The following AGAP1 variants were observed in gnomAD, a reference collection of about 807,000 sequenced individuals.
AGAP1 encodes the protein ArfGAP with GTPase domain, ankyrin repeat and PH domain 1, also known as arf-GAP with GTPase, ANK repeat and PH domain-containing protein 1.
Under a neutral mutation model 105.3 loss-of-function variants are expected in AGAP1, and 29 were observed. That is an observed-to-expected ratio of 0.28 (90% CI 0.21 to 0.38). The LOEUF (loss-of-function observed/expected upper bound fraction) is 0.38, where lower values mean the gene tolerates loss of function less well. AGAP1 is among the 10% of genes least tolerant of loss of function. AGAP1 has a pLI of 1.00. For missense variants in AGAP1, 998 were observed against 1,165.1 expected (o/e 0.86, Z 2.09); for synonymous variants, 509 against 485.9 (o/e 1.05, Z -0.63).
At position 235,599,940 on chromosome 2, in the gene AGAP1, C is replaced by G. The variant is rs950838925; in HGVS notation, c.163+105091C>G. 2.0e-5 allele frequency among the ~76,000 whole-genome samples: 3 copies of G among 152,166 alleles called. No homozygotes were observed. The highest frequency in any genetic ancestry group is 6.5e-5 in the Admixed American group (1 of 15,274). On this transcript the variant is annotated intron_variant, in intron 1 of 17. Coordinates refer to ENST00000304032, the MANE Select transcript of AGAP1 (RefSeq NM_001037131.3). The surrounding 1 kb of genome is among the most constrained non-coding windows in gnomAD (Gnocchi z 5.3). ...ACTGACTCAGGGAAGTGCCTGTGTTCAGGGCGGAGGTTCCACTGTGATTTG... is the reference window on the plus strand; with the variant it reads ...ACTGACTCAGGGAAGTGCCTGTGTTGAGGGCGGAGGTTCCACTGTGATTTG...
At chr2:235,636,058 A>G (rs1946988423) in intron 1 of AGAP1, among the ~76,000 whole-genome samples, 1 of 152,044 alleles carries the variant, frequency 6.6e-6, no homozygotes, top group Non-Finnish European at 1.5e-5. Flanking sequence ...GGTTGCAGTG[A>G]GCCGAGATCG....
At position 235,992,346 on chromosome 2, in the gene AGAP1, G is replaced by A. The variant is rs1486438707; in HGVS notation, c.1645+23723G>A. ...GTCAGTGCTCTCAGCTGTAAAATGG[G>A]AACGATCAGGTTGTCTACCTCCAAG... On this transcript the variant is annotated intron_variant, in intron 13 of 17. Transcript: ENST00000304032. The surrounding 1 kb of genome is among the most constrained non-coding windows in gnomAD (Gnocchi z 4.8). 6.6e-6 allele frequency among the ~76,000 whole-genome samples: 1 copy of A among 152,156 alleles called. No individual in the cohort carries two copies. Among genetic ancestry groups the A allele is most frequent in the East Asian group, 1.9e-4 (1 of 5,190 alleles).
In AGAP1 at chr2:236,042,857, A is replaced by G. The variant is rs1193986268; in HGVS notation, c.1891+2016A>G. Among the ~76,000 whole-genome samples the G allele has an allele frequency of 6.6e-6, 1 of 152,236 alleles. No homozygotes were observed. The highest frequency in any genetic ancestry group is 1.5e-5 in the Non-Finnish European group (1 of 68,040). The stretch of plus-strand genomic sequence containing the variant: ...AGGCGATACCAAGCACGCATTTGCT[A>G]AATGTGTGGTCTGTGTCAGCCCGGT... On this transcript the variant is annotated intron_variant, in intron 15 of 17. Transcript: ENST00000304032. This position sits in a 1 kb window ranked among gnomAD's most constrained non-coding sequence, Gnocchi z 5.6.
chr2:235,785,219 C>T (rs141843167), intron 6 of AGAP1, among the ~76,000 whole-genome samples: 307 of 152,276 alleles, frequency 2.0e-3, no homozygotes, highest in Admixed American at 3.3e-3. Context: ...TAGATACATC[C>T]ATTTTTCTTA....
intron 8 of AGAP1, among the ~76,000 whole-genome samples, chr2:235,800,281 T>A (rs1237887490): frequency 3.3e-5 from 5 of 150,994 alleles, no homozygotes; most frequent in Non-Finnish European, 5.9e-5. Context: ...TTTTTTTTTT[T>A]AAAGAAATGG....
At chr2:235,946,467 G>A (rs576587448) in intron 12 of AGAP1, among the ~76,000 whole-genome samples, 1 of 151,872 alleles carries the variant, frequency 6.6e-6, no homozygotes, top group African/African-American at 2.4e-5. Context: ...CACTGTGCCC[G>A]GCCAGGCCTT....
intron 16 of AGAP1, among the ~76,000 whole-genome samples, chr2:236,071,890 G>T (rs939819436): frequency 6.6e-6 from 1 of 152,108 alleles, no homozygotes; most frequent in African/African-American, 2.4e-5. Context: ...ACACAGAGTC[G>T]TAATTTTTCT....
chr2:235,734,170 T>TA lies in AGAP1; in HGVS notation c.311-6792dup, dbSNP rs1380219837. 6.6e-5 allele frequency among the ~76,000 whole-genome samples: 10 copies of TA among 152,250 alleles called. No homozygotes were observed. Among genetic ancestry groups the TA allele is most frequent in the African/African-American group, 2.4e-4 (10 of 41,466 alleles). ...CTTGTTAAAAATAATTAGGGAATAA[T>TA]ACAGTTTGCAGATTTTCTCCCGATG... is the stretch of plus-strand genomic sequence containing the variant. On this transcript the variant is annotated intron_variant, in intron 3 of 17. Coordinates refer to ENST00000304032, the MANE Select transcript of AGAP1 (RefSeq NM_001037131.3). The surrounding 1 kb of genome is among the most constrained non-coding windows in gnomAD (Gnocchi z 5.3).
rs1455813719 is a variant in AGAP1 at position 235,883,569 on chromosome 2, T to C, written c.1155+120T>C. On this transcript the variant is annotated intron_variant, in intron 10 of 17. Transcript: ENST00000304032. The surrounding 1 kb of genome is among the most constrained non-coding windows in gnomAD (Gnocchi z 4.5). ...TGTTTGAAGTGAAAGTCGTATTTGG[T>C]CTCCTGCTCAACTGTGAGATAAATA... 1.3e-6 allele frequency: 1 copy of C among 756,154 alleles called. No individual in the cohort carries two copies. The highest frequency in any genetic ancestry group is 2.2e-6 in the Non-Finnish European group (1 of 451,958). 46.8% of individuals were successfully genotyped at this position (756,154 alleles called of 1,614,324 possible). A position where few individuals can be genotyped will look rare whatever the true frequency, so the allele number is the denominator to read the frequency against.
intron 1 of AGAP1, among the ~76,000 whole-genome samples, chr2:235,673,396 A>G (rs1260585555): frequency 6.6e-6 from 1 of 152,122 alleles, no homozygotes; most frequent in Non-Finnish European, 1.5e-5. Flanking sequence ...AAGTCCCCAA[A>G]CCACTGGGGA....
chr2:236,067,297 T>C (rs760292108), intron 16 of AGAP1, among the ~76,000 whole-genome samples: 4 of 152,144 alleles, frequency 2.6e-5, no homozygotes, highest in African/African-American at 4.8e-5. Context: ...TATAACACAA[T>C]GCTGAACACC....
rs1432625261 is a variant in AGAP1, at chr2:235,879,068, T to C, written c.1051-4277T>C. Among the ~76,000 whole-genome samples the C allele has an allele frequency of 6.6e-6, 1 of 152,206 alleles. No individual in the cohort carries two copies. Among genetic ancestry groups the C allele is most frequent in the Non-Finnish European group, 1.5e-5 (1 of 68,038 alleles). On this transcript the variant is annotated intron_variant, in intron 9 of 17. Transcript: ENST00000304032. The surrounding 1 kb of genome is among the most constrained non-coding windows in gnomAD (Gnocchi z 5.0). Reference sequence around the variant, plus strand: ...AGACTTTGGCAGCCCAGCAGCCCAGTGTCCTGGCAGGAGTGAAGACGGCAG... The same window carrying C: ...AGACTTTGGCAGCCCAGCAGCCCAGCGTCCTGGCAGGAGTGAAGACGGCAG...
At chr2:235,838,398 G>C (rs1960417725) in intron 9 of AGAP1, among the ~76,000 whole-genome samples, 1 of 152,142 alleles carries the variant, frequency 6.6e-6, no homozygotes, top group African/African-American at 2.4e-5. Context: ...CATTTCATAT[G>C]GTAGGAGGAA....
Position 235,599,734 on chromosome 2 carries a change from T to G in AGAP1, c.163+104885T>G, listed in dbSNP as rs560991473. ...GCCCTTTCTGGGTCCCACGTGATTC[T>G]ACCTGATCGCTGGCTCTCTAGGGCT... On this transcript the variant is annotated intron_variant, in intron 1 of 17. Transcript: ENST00000304032. The surrounding 1 kb of genome is among the most constrained non-coding windows in gnomAD (Gnocchi z 5.3). Among the ~76,000 whole-genome samples the G allele has an allele frequency of 6.6e-6, 1 of 152,272 alleles. No individual in the cohort carries two copies. The highest frequency in any genetic ancestry group is 2.1e-4 in the South Asian group (1 of 4,826).
At position 235,750,924 on chromosome 2, in the gene AGAP1, C is replaced by G. The variant is rs1953373624; in HGVS notation, c.673+436C>G. 6.6e-6 allele frequency among the ~76,000 whole-genome samples: 1 copy of G among 152,104 alleles called. No homozygotes were observed. The highest frequency in any genetic ancestry group is 1.5e-5 in the Non-Finnish European group (1 of 68,028). ...GAACTGAAAGGAGGAGAGAGAGAGT[C>G]AAGTTTGGACCTCCCCCCACCAAAA... On this transcript the variant is annotated intron_variant, in intron 6 of 17. Coordinates refer to ENST00000304032, the MANE Select transcript of AGAP1 (RefSeq NM_001037131.3). The surrounding 1 kb of genome is among the most constrained non-coding windows in gnomAD (Gnocchi z 5.3).
chr2:235,956,361 C>G (rs555232063), intron 12 of AGAP1, among the ~76,000 whole-genome samples: 194 of 152,272 alleles, frequency 1.3e-3, no homozygotes, highest in Non-Finnish European at 1.2e-3. Context: ...ACTATAAATT[C>G]CTGATATGCA....
chr2:235,670,894 G>A, intron 1 of AGAP1: 1 of 1,350,680 alleles, frequency 7.4e-7, no homozygotes, highest in Non-Finnish European at 9.4e-7. Flanking sequence ...ACCGGCTGCT[G>A]CGCTTCTTCA....
At chr2:235,704,719 A>C (rs138707930) in intron 1 of AGAP1, among the ~76,000 whole-genome samples, 77 of 152,324 alleles carry the variant, frequency 5.1e-4, no homozygotes, top group Non-Finnish European at 8.8e-4. Flanking sequence ...GGCTTTGCTA[A>C]GCGTCCCAGG....
chr2:235,563,713 T>A (rs1051816682), intron 1 of AGAP1, among the ~76,000 whole-genome samples: 1 of 152,142 alleles, frequency 6.6e-6, no homozygotes, highest in Non-Finnish European at 1.5e-5. Context: ...TGAACTTTGC[T>A]ATGGCTTGGG....
Sources: allele counts gnomAD v4.1 joint callset (sites outside exome capture counted in the v4.1 genomes callset), GRCh38; gene constraint gnomAD v4.1.1; non-coding constraint Gnocchi (gnomAD v3.1); transcripts MANE v1.5; gene names NCBI Gene and HGNC (gene_info 2026-07-23, HGNC 2026-07-21).